The following EXOC6 variants were observed in gnomAD, a reference collection of about 807,000 sequenced individuals.
EXOC6 encodes SEC15-like 1.
A neutral mutation model predicts 112.5 loss-of-function variants in EXOC6; 60 were observed. The observed-to-expected ratio is 0.53, with a 90% confidence interval of 0.43 to 0.66. The LOEUF (loss-of-function observed/expected upper bound fraction) is 0.66. Ranked by LOEUF, EXOC6 falls within the 30% of genes least tolerant of loss-of-function variation. EXOC6 has a pLI of 0.00. For synonymous variants in EXOC6, 295 were observed against 308.0 expected (o/e 0.96, Z 0.44); for missense variants, 855 against 957.1 (o/e 0.89, Z 1.41).
Position 93,018,857 on chromosome 10 carries a change from T to C in EXOC6, c.2169+4590T>C, listed in dbSNP as rs557697286. 4.6e-5 allele frequency among the ~76,000 whole-genome samples: 7 copies of C among 151,728 alleles called. No homozygotes were observed. The East Asian group carries it at 1.3e-3, about 29-fold the overall frequency. ...AAATTTTTCATAATAAAAATAAAAA[T>C]ATTAAATTAAAAAAATAAAAGACCC... On this transcript the variant is annotated intron_variant, in intron 20 of 21. Transcript: ENST00000260762.
intron 21 of EXOC6, among the ~76,000 whole-genome samples, chr10:93,057,821 T>C (rs1846616534): frequency 6.6e-6 from 1 of 152,202 alleles, no homozygotes; most frequent in African/African-American, 2.4e-5. Flanking sequence ...TGCCATGAAA[T>C]GCAACTGAGG....
intron 13 of EXOC6, among the ~76,000 whole-genome samples, chr10:92,943,076 C>T (rs1852761372): frequency 6.7e-6 from 1 of 150,348 alleles, no homozygotes; most frequent in Non-Finnish European, 1.5e-5. Context: ...TGCTGGAGTG[C>T]AGTGGCGTGA....
At chr10:92,916,422 A>T (rs560323999) in intron 7 of EXOC6, among the ~76,000 whole-genome samples, 1 of 152,234 alleles carries the variant, frequency 6.6e-6, no homozygotes, top group African/African-American at 2.4e-5. Flanking sequence ...AGACATGAGA[A>T]TTGCTTGAAC....
intron 19 of EXOC6, among the ~76,000 whole-genome samples, chr10:93,011,196 A>G (rs548746623): frequency 5.0e-4 from 75 of 150,970 alleles, no homozygotes; most frequent in Non-Finnish European, 9.4e-4. Flanking sequence ...GAGAACCACT[A>G]GGGATTTATG....
At chr10:93,053,254 G>A (rs375542872) in intron 20 of EXOC6, among the ~76,000 whole-genome samples, 103 of 152,214 alleles carry the variant, frequency 6.8e-4, no homozygotes, top group African/African-American at 2.2e-3. Flanking sequence ...CATCTTGGTC[G>A]GAACAGGCAT....
At chr10:92,930,842 G>C (rs1287193846) in intron 9 of EXOC6, among the ~76,000 whole-genome samples, 1 of 151,924 alleles carries the variant, frequency 6.6e-6, no homozygotes, top group Non-Finnish European at 1.5e-5. Flanking sequence ...AAATGAAAAA[G>C]CTGGCTCATG....
At chr10:93,022,796 T>A (rs1844844639) in intron 20 of EXOC6, among the ~76,000 whole-genome samples, 2 of 152,182 alleles carry the variant, frequency 1.3e-5, no homozygotes, top group African/African-American at 4.8e-5. Flanking sequence ...AAAGTTTTTT[T>A]TTTAATCAGA....
At chr10:92,869,595 C>T (rs189978225) in intron 1 of EXOC6, among the ~76,000 whole-genome samples, 24 of 152,258 alleles carry the variant, frequency 1.6e-4, no homozygotes, top group Admixed American at 1.6e-3. Flanking sequence ...TAGATGTGAG[C>T]CACCGTGCCT....
At chr10:92,964,209 C>T (rs1854176366) in intron 17 of EXOC6, among the ~76,000 whole-genome samples, 1 of 151,486 alleles carries the variant, frequency 6.6e-6, no homozygotes. Context: ...GCCACATTAA[C>T]ATCTAAAATA....
intron 16 of EXOC6, among the ~76,000 whole-genome samples, 196 bp from the exon 17 acceptor site, chr10:92,955,384 G>GTA (rs1418193680): frequency 6.7e-6 from 1 of 149,240 alleles, no homozygotes; most frequent in African/African-American, 2.6e-5. Flanking sequence ...GTGTGTGTGT[G>GTA]TGTGTATATA....
At chr10:93,050,852 A>G (rs1056604682) in intron 20 of EXOC6, among the ~76,000 whole-genome samples, 1 of 151,132 alleles carries the variant, frequency 6.6e-6, no homozygotes, top group African/African-American at 2.4e-5. Context: ...AGTCTGGGTG[A>G]CAGAGCGAGA....
chr10:92,944,859 G>A (rs1376460116), intron 13 of EXOC6, among the ~76,000 whole-genome samples: 4 of 150,376 alleles, frequency 2.7e-5, no homozygotes, highest in Non-Finnish European at 4.4e-5. Context: ...TGCAACCTCT[G>A]CCTCCCAGGT....
At chr10:92,986,010 TCTTA>T (rs1319368631) in intron 18 of EXOC6, among the ~76,000 whole-genome samples, 1 of 152,112 alleles carries the variant, frequency 6.6e-6, no homozygotes, top group Non-Finnish European at 1.5e-5. Flanking sequence ...AATTGGTTTT[TCTTA>T]CTTGAATGTT....
chr10:92,977,984 G>A lies in EXOC6; in HGVS notation c.1953+3752G>A, dbSNP rs993745955. Among the ~76,000 whole-genome samples the A allele has an allele frequency of 3.0e-4, 45 of 151,972 alleles. 1 individual carries two copies. Among genetic ancestry groups the A allele is most frequent in the East Asian group, 3.8e-4 (2 of 5,198 alleles). On this transcript the variant is annotated intron_variant, in intron 18 of 21. Coordinates refer to ENST00000260762, the MANE Select transcript of EXOC6 (RefSeq NM_019053.6). ...TATGGCTTTAGCTGAGTCTTCATAT[G>A]CCATTTTGGATTTTTATGTCATCTA...
chr10:93,030,812 G>A (rs932339976), intron 20 of EXOC6, among the ~76,000 whole-genome samples: 1 of 152,184 alleles, frequency 6.6e-6, no homozygotes, highest in Non-Finnish European at 1.5e-5. Flanking sequence ...GATAGGTTCT[G>A]TGTTTTTCTG....
chr10:92,919,300 G>A lies in EXOC6; in HGVS notation c.820-682G>A, dbSNP rs543437784. 5.6e-5 allele frequency among the ~76,000 whole-genome samples: 8 copies of A among 141,876 alleles called. No homozygotes were observed. In the East Asian group the frequency reaches 2.4e-3, roughly 42 times the overall value. 93.1% of individuals were successfully genotyped at this position (141,876 alleles called of 152,430 possible). A position where few individuals can be genotyped will look rare whatever the true frequency, so the allele number is the denominator to read the frequency against. On this transcript the variant is annotated intron_variant, in intron 7 of 21. Transcript: ENST00000260762. ...TTGTTTTTATCATTTTCCCTAATAAGCAATGTTATAGTAAAAATAATTTAA... is the reference window on the plus strand; with the variant it reads ...TTGTTTTTATCATTTTCCCTAATAAACAATGTTATAGTAAAAATAATTTAA...
chr10:92,861,218 C>T (rs546235502), intron 1 of EXOC6, among the ~76,000 whole-genome samples: 1 of 152,290 alleles, frequency 6.6e-6, no homozygotes, highest in South Asian at 2.1e-4. Flanking sequence ...TACCTTCTAC[C>T]TCACCCCCTG....
upstream of EXOC6, among the ~76,000 whole-genome samples, chr10:92,832,006 A>G (rs1846498993): frequency 6.6e-6 from 1 of 152,234 alleles, no homozygotes; most frequent in Admixed American, 6.5e-5. Context: ...ATCAGTCATC[A>G]CAGATGTATG....
chr10:92,848,704 G>C (rs1363789144), intron 1 of EXOC6, 70 bp downstream of exon 1: 1 of 1,173,042 alleles, frequency 8.5e-7, no homozygotes, highest in Non-Finnish European at 1.1e-6. Context: ...AGCCGGGCGG[G>C]GCGTCCGCCG....
Sources: gnomAD v4.1 joint callset for allele counts (sites outside exome capture counted in the v4.1 genomes callset) on GRCh38, gnomAD v4.1.1 for gene constraint, MANE v1.5 for transcripts, NCBI Gene and HGNC (gene_info 2026-07-23, HGNC 2026-07-21) for gene names.